Variants in URB1 observed in about 807,000 individuals in gnomAD.
The protein encoded by URB1 is nucleolar pre-ribosomal-associated protein 1.
URB1 carries 197 observed loss-of-function variants against 242.3 expected under a neutral mutation model. The observed-to-expected ratio is 0.81, with a 90% CI of 0.72 to 0.91. The LOEUF (loss-of-function observed/expected upper bound fraction) is 0.91, where lower values mean the gene tolerates loss of function less well. Among genes scored for constraint, URB1 ranks in the 40% least tolerant of loss-of-function variants. The probability of loss-of-function intolerance (pLI) is 0.00; values close to 1 mark genes in which losing one functional copy is unlikely to be tolerated. For synonymous variants in URB1, 1,153 were observed against 1,201.8 expected (o/e 0.96, Z 0.84); for missense variants, 2,721 against 2,860.5 (o/e 0.95, Z 1.11).
intron 1 of URB1, among the ~76,000 whole-genome samples, chr21:32,386,409 T>C (rs545525564): frequency 9.2e-5 from 14 of 152,320 alleles, no homozygotes; most frequent in East Asian, 3.9e-4. Context: ...GATGTGACTA[T>C]GCCAATGCCT....
At chr21:32,366,516 A>G in intron 10 of URB1, 102 bp downstream of exon 10, 1 of 1,479,272 alleles carries the variant, frequency 6.8e-7, no homozygotes, top group Non-Finnish European at 9.1e-7. Context: ...CTGACAAAAC[A>G]CAATCAAACA....
At chr21:32,334,115 G>A (rs1366033525) in intron 29 of URB1, 48 bp downstream of exon 29, 3 of 1,486,002 alleles carry the variant, frequency 2.0e-6, no homozygotes, top group Non-Finnish European at 2.7e-6. Context: ...TGGAGCCCCT[G>A]AGGCTGGGGT....
intron 14 of URB1, among the ~76,000 whole-genome samples, chr21:32,359,253 T>C (rs1423971598): frequency 2.0e-5 from 3 of 152,214 alleles, no homozygotes; most frequent in Non-Finnish European, 4.4e-5. Flanking sequence ...TGCAGCATCC[T>C]GGGCTTAAGC....
At chr21:32,354,147 A>G in intron 17 of URB1, 44 bp from the exon 18 acceptor site, 2 of 1,547,182 alleles carry the variant, frequency 1.3e-6, no homozygotes, top group Non-Finnish European at 1.7e-6. Context: ...AGAGCCACTG[A>G]AGGGTTTCAC....
At chr21:32,381,862 G>A (rs539296628) in intron 4 of URB1, among the ~76,000 whole-genome samples, 2 of 152,206 alleles carry the variant, frequency 1.3e-5, no homozygotes, top group South Asian at 2.1e-4. Context: ...AGCTGGTACA[G>A]GGGTTCCTCA....
rs527902851 is a variant in URB1, at chr21:32,326,964, G to A, written c.4961-1575C>T. On this transcript the variant is annotated intron_variant, in intron 30 of 38. Transcript: ENST00000382751. Reference sequence around the variant, plus strand: ...ACTATCCAAGCTGAAAACACAGAGAGGAAAAATATGAACAGAACATCAGTG... The same window carrying A: ...ACTATCCAAGCTGAAAACACAGAGAAGAAAAATATGAACAGAACATCAGTG... 5.3e-5 allele frequency among the ~76,000 whole-genome samples: 8 copies of A among 152,074 alleles called. No homozygotes were observed. The South Asian group carries it at 1.7e-3, about 32-fold the overall frequency.
chr21:32,391,868 A>C (rs1028977469), intron 1 of URB1, among the ~76,000 whole-genome samples: 1 of 151,726 alleles, frequency 6.6e-6, no homozygotes, highest in South Asian at 2.1e-4. Context: ...AAAAAAAAAA[A>C]AAAAACATAG....
chr21:32,361,272 A>G (rs1204656869), intron 12 of URB1, 149 bp from the exon 13 acceptor site: 2 of 608,966 alleles, frequency 3.3e-6, no homozygotes, highest in Non-Finnish European at 5.6e-6. Flanking sequence ...GTGGCACCAC[A>G]CTGCAGCCAA....
At position 32,392,935 on chromosome 21, in the gene URB1, G is replaced by A. The variant is rs757889156; in HGVS notation, c.-25C>T. 1 of 1,493,176 alleles carries A rather than the reference G, an allele frequency of 6.7e-7. No individual in the cohort carries two copies. 92.5% of individuals were successfully genotyped at this position (1,493,176 alleles called of 1,614,324 possible). ...TGGCCGAGAGGGCGGAAGCGCGACG[G>A]AAACGACACACCTGAGGGGACCCGG... On this transcript the variant is annotated 5_prime_UTR_variant, in exon 1 of 39. Coordinates refer to ENST00000382751, the MANE Select transcript of URB1 (RefSeq NM_014825.3).
In URB1 at chr21:32,355,007, A is replaced by G; in HGVS notation, c.2107-10T>C. The G allele has an allele frequency of 6.5e-7, 1 of 1,545,944 alleles. No homozygotes were observed. Among genetic ancestry groups the G allele is most frequent in the Non-Finnish European group, 8.8e-7 (1 of 1,142,696 alleles). On this transcript the variant is annotated splice_polypyrimidine_tract_variant and intron_variant, in intron 16 of 38. Coordinates refer to ENST00000382751, the MANE Select transcript of URB1 (RefSeq NM_014825.3). ...CCAATGTCAATAAAATCTGGGCATT[A>G]AAGAGCCAAATAGAAAGCATTCAGA...
intron 19 of URB1, among the ~76,000 whole-genome samples, chr21:32,352,375 C>G (rs1320389896): frequency 6.6e-6 from 1 of 152,042 alleles, no homozygotes; most frequent in East Asian, 1.9e-4. Context: ...CAGAGGAGAG[C>G]CAGGAGACAA....
chr21:32,364,058 T>A (rs1309029973), intron 10 of URB1, among the ~76,000 whole-genome samples: 1 of 150,128 alleles, frequency 6.7e-6, no homozygotes, highest in Non-Finnish European at 1.5e-5. Flanking sequence ...CAAAAAAAAA[T>A]GCATCAGGTA....
At chr21:32,388,825 C>T (rs2033610533) in intron 1 of URB1, among the ~76,000 whole-genome samples, 1 of 152,206 alleles carries the variant, frequency 6.6e-6, no homozygotes, top group African/African-American at 2.4e-5. Context: ...AGGGTGGAAA[C>T]TGCTGGCCTG....
rs1402481363 is a variant in URB1 at position 32,373,775 on chromosome 21, G to A, written c.751-3C>T. ...GTGATATTTTTATTGTGAACTACCT[G>A]AAACAATAATAAAACAAATTATTAA... On this transcript the variant is annotated splice_region_variant and splice_polypyrimidine_tract_variant and intron_variant, in intron 6 of 38. Coordinates refer to ENST00000382751, the MANE Select transcript of URB1 (RefSeq NM_014825.3). The A allele has an allele frequency of 3.3e-6, 5 of 1,513,042 alleles. No individual in the cohort carries two copies. Among genetic ancestry groups the A allele is most frequent in the Non-Finnish European group, 4.4e-6 (5 of 1,135,470 alleles). 93.7% of individuals were successfully genotyped at this position (1,513,042 alleles called of 1,614,324 possible).
At position 32,311,550 on chromosome 21, in the gene URB1, C is replaced by T. The variant is rs1346023889; in HGVS notation, c.*3368G>A. On this transcript the variant is annotated 3_prime_UTR_variant, in exon 39 of 39. Coordinates refer to ENST00000382751, the MANE Select transcript of URB1 (RefSeq NM_014825.3). ...CCTTTGTGAGCTGGCTGACCCTTCT[C>T]AGGAATTTGCCTGTGTGGCCTTCCC... 1 of 1,324,678 alleles carries T rather than the reference C, an allele frequency of 7.5e-7. No individual in the cohort carries two copies. The highest frequency in any genetic ancestry group is 1.0e-6 in the Non-Finnish European group (1 of 972,164). The allele number at this position is 1,324,678 out of a possible 1,614,324, so 82.1% of individuals were successfully genotyped here. A position where few individuals can be genotyped will look rare whatever the true frequency, so the allele number is the denominator to read the frequency against.
In URB1 at chr21:32,314,887, C is replaced by T; in HGVS notation, c.*31G>A. On this transcript the variant is annotated 3_prime_UTR_variant, in exon 39 of 39. Transcript: ENST00000382751. The stretch of plus-strand genomic sequence containing the variant: ...CTGGTGCTGTGCTCGAGGCTCTGGT[C>T]ATCAGGGTGCAAGGTGCTGGCCGGC... 6.5e-7 allele frequency: 1 copy of T among 1,539,976 alleles called. No homozygotes were observed. Among genetic ancestry groups the T allele is most frequent in the Non-Finnish European group, 8.8e-7 (1 of 1,140,540 alleles).
chr21:32,348,182 G>C (rs894834565), intron 21 of URB1, among the ~76,000 whole-genome samples: 1 of 152,176 alleles, frequency 6.6e-6, no homozygotes, highest in Non-Finnish European at 1.5e-5. Context: ...TGTGGGGGGC[G>C]GGCCGTGCAG....
chr21:32,384,590 C>T, intron 2 of URB1, 126 bp from the exon 3 acceptor site: 1 of 1,249,888 alleles, frequency 8.0e-7, no homozygotes, highest in Non-Finnish European at 1.1e-6. Context: ...GGATGACGCC[C>T]ACCCAGATCC....
At chr21:32,377,183 T>C (rs768081393) in intron 5 of URB1, 15 of 518,358 alleles carry the variant, frequency 2.9e-5, no homozygotes, top group South Asian at 2.1e-4. Flanking sequence ...CTTTTTTCTT[T>C]ATCTATTGTG....
Sources: gnomAD v4.1 joint callset for allele counts (sites outside exome capture counted in the v4.1 genomes callset) on GRCh38, gnomAD v4.1.1 for gene constraint, MANE v1.5 for transcripts, NCBI Gene and HGNC (gene_info 2026-07-23, HGNC 2026-07-21) for gene names.